The following CCDC172 variants were observed in gnomAD, a reference collection of about 807,000 sequenced individuals.
The protein encoded by CCDC172 is coiled-coil domain containing 172, also known as coiled-coil domain-containing protein 172.
Under a neutral mutation model 38.0 loss-of-function variants are expected in CCDC172, and 30 were observed. The ratio of observed to expected loss-of-function variants is 0.79; its 90% confidence interval spans 0.59 to 1.07. The LOEUF (loss-of-function observed/expected upper bound fraction) is 1.07, where lower values mean the gene tolerates loss of function less well. Among genes scored for constraint, CCDC172 ranks in the 50% least tolerant of loss-of-function variants. The pLI is 0.00. For synonymous variants in CCDC172, 78 were observed against 88.3 expected (o/e 0.88, Z 0.66); for missense variants, 297 against 290.1 (o/e 1.02, Z -0.17).
intron 3 of CCDC172, among the ~76,000 whole-genome samples, chr10:116,328,303 A>G (rs1043640099): frequency 6.6e-6 from 1 of 152,038 alleles, no homozygotes; most frequent in African/African-American, 2.4e-5. Flanking sequence ...TGGTAATATG[A>G]AAACAGAAAA....
At chr10:116,371,243 T>G (rs1845182811) in intron 7 of CCDC172, among the ~76,000 whole-genome samples, 2 of 151,874 alleles carry the variant, frequency 1.3e-5, no homozygotes, top group Non-Finnish European at 1.5e-5. Context: ...GAAAGTTTTT[T>G]TAAAATCAGG....
chr10:116,378,550 TTTTACCTACTGGTAAGGAACGGTTTTAC>T (rs1336666128), intron 8 of CCDC172, 40 bp downstream of exon 8: 3 of 1,498,774 alleles, frequency 2.0e-6, no homozygotes, highest in Non-Finnish European at 2.8e-6. Flanking sequence ...TTCAGCATTA[TTTTACCTACTGGTAAGGAACGGTTTTAC>T]TGGTGTACAA....
At chr10:116,336,849 T>C (rs1844739423) in intron 3 of CCDC172, among the ~76,000 whole-genome samples, 1 of 152,184 alleles carries the variant, frequency 6.6e-6, no homozygotes, top group African/African-American at 2.4e-5. Flanking sequence ...AAATCCTCAG[T>C]CATTTTCAAT....
At chr10:116,368,597 T>A (rs1430120707) in intron 7 of CCDC172, among the ~76,000 whole-genome samples, 1 of 151,986 alleles carries the variant, frequency 6.6e-6, no homozygotes, top group African/African-American at 2.4e-5. Context: ...TAAAAACCAC[T>A]TTTTTTCTGG....
rs572319230 is a variant in CCDC172 at position 116,348,910 on chromosome 10, C to T, written c.448+6709C>T. ...CCCAACCCCTGGGCCAGTACTGGTC[C>T]GTGGCCTGTTAAGAAGTAAGCCACA... On this transcript the variant is annotated intron_variant, in intron 5 of 8. Transcript: ENST00000333254. 9.9e-5 allele frequency among the ~76,000 whole-genome samples: 15 copies of T among 152,202 alleles called. No homozygotes were observed. The South Asian group carries it at 1.9e-3, about 19-fold the overall frequency.
chr10:116,344,875 A>C (rs1179779330), intron 5 of CCDC172, among the ~76,000 whole-genome samples: 1 of 151,464 alleles, frequency 6.6e-6, no homozygotes, highest in African/African-American at 2.4e-5. Flanking sequence ...AAAAAAAAAA[A>C]AAAAAACCTA....
At chr10:116,325,449 G>A in intron 3 of CCDC172, 61 bp downstream of exon 3, 1 of 1,326,856 alleles carries the variant, frequency 7.5e-7, no homozygotes. Flanking sequence ...CTTGACTTTT[G>A]GGGGATATTT....
intron 3 of CCDC172, among the ~76,000 whole-genome samples, chr10:116,339,193 T>G (rs1300311347): frequency 1.3e-5 from 2 of 152,002 alleles, no homozygotes; most frequent in African/African-American, 4.8e-5. Flanking sequence ...TTCATTACTT[T>G]GAAATAGTTC....
At position 116,342,171 on chromosome 10, in the gene CCDC172, T is replaced by G; in HGVS notation, c.418T>G (p.Leu140Val). ...KENVKIEISD[L>V]ENQANMLKSE... The stretch of plus-strand genomic sequence containing the variant: ...AAATGTCAAGATTGAAATATCTGAC[T>G]TAGAAAACCAAGCAAACATGTTGAA... The change falls in exon 5 of 9, where the codon TTA (leucine) becomes GTA (valine). Residue 140 changes from leucine to valine, a missense_variant. Coordinates refer to ENST00000333254, the MANE Select transcript of CCDC172 (RefSeq NM_198515.3). 1 of 1,537,828 alleles carries G rather than the reference T, an allele frequency of 6.5e-7. No homozygotes were observed. Among genetic ancestry groups the G allele is most frequent in the Middle Eastern group, 1.7e-4 (1 of 5,840 alleles).
Position 116,325,062 on chromosome 10 carries a change from G to A in CCDC172, c.51G>A (p.Ala17=), listed in dbSNP as rs756021722. 1.9e-6 allele frequency: 3 copies of A among 1,614,036 alleles called. No homozygotes were observed. The highest frequency in any genetic ancestry group is 8.5e-7 in the Non-Finnish European group (1 of 1,180,018). The part of the protein sequence containing the change: ...FQHIIFTEHQ[A]EESRRLMREV... ...ACATCATCTTCACCGAGCATCAGGC[G>A]GAGGAGAGTCGCCGTTTGATGCGAG... Residue 17 remains alanine (A), a synonymous_variant, in exon 2 of 9, where the codon GCG becomes GCA. Coordinates refer to ENST00000333254, the MANE Select transcript of CCDC172 (RefSeq NM_198515.3).
intron 5 of CCDC172, among the ~76,000 whole-genome samples, chr10:116,345,136 G>A (rs1844850045): frequency 6.6e-6 from 1 of 152,194 alleles, no homozygotes; most frequent in South Asian, 2.1e-4. Flanking sequence ...AAGATAATGT[G>A]TCACTGCCTT....
At chr10:116,368,594 C>CAG (rs1845151488) in intron 7 of CCDC172, among the ~76,000 whole-genome samples, 1 of 151,894 alleles carries the variant, frequency 6.6e-6, no homozygotes, top group South Asian at 2.1e-4. Context: ...TTTTAAAAAC[C>CAG]ACTTTTTTTC....
In CCDC172 at chr10:116,324,999, G is replaced by A; in HGVS notation, c.-13G>A. On this transcript the variant is annotated 5_prime_UTR_variant, in exon 2 of 9. Coordinates refer to ENST00000333254, the MANE Select transcript of CCDC172 (RefSeq NM_198515.3). ...TAAGGGCGAGAAAAGGATCGCAGGA[G>A]CCAGGCCCTGAGATGAGCTTGGAGT... The A allele has an allele frequency of 6.2e-7, 1 of 1,609,626 alleles. No homozygotes were observed. Among genetic ancestry groups the A allele is most frequent in the East Asian group, 2.2e-5 (1 of 44,854 alleles).
chr10:116,341,994 G>A, intron 4 of CCDC172, 42 bp from the exon 5 acceptor site: 3 of 1,264,464 alleles, frequency 2.4e-6, no homozygotes, highest in Non-Finnish European at 3.1e-6. Flanking sequence ...AAATATTATT[G>A]CAACTAACAC....
chr10:116,365,394 A>G (rs781109206), intron 7 of CCDC172, among the ~76,000 whole-genome samples: 21 of 152,200 alleles, frequency 1.4e-4, no homozygotes, highest in Non-Finnish European at 2.8e-4. Context: ...CAGAACCTGT[A>G]GTCCATTTGA....
intron 7 of CCDC172, among the ~76,000 whole-genome samples, chr10:116,370,320 G>T (rs1006603359): frequency 6.6e-6 from 1 of 151,684 alleles, no homozygotes; most frequent in Non-Finnish European, 1.5e-5. Flanking sequence ...ACCTTGTACG[G>T]TTTCATTTTT....
At chr10:116,370,248 A>G (rs1331300297) in intron 7 of CCDC172, among the ~76,000 whole-genome samples, 1 of 151,836 alleles carries the variant, frequency 6.6e-6, no homozygotes, top group Non-Finnish European at 1.5e-5. Flanking sequence ...GTTTTGAGCA[A>G]TAGTTTAAAA....
intron 7 of CCDC172, among the ~76,000 whole-genome samples, chr10:116,366,337 C>T (rs951530809): frequency 2.6e-5 from 4 of 151,944 alleles, no homozygotes; most frequent in Admixed American, 6.6e-5. Flanking sequence ...TTGTGCATGT[C>T]GTTCTACAAT....
At chr10:116,331,421 C>T (rs1052708256) in intron 3 of CCDC172, among the ~76,000 whole-genome samples, 1 of 151,508 alleles carries the variant, frequency 6.6e-6, no homozygotes, top group Non-Finnish European at 1.5e-5. Context: ...CACCTCTTGG[C>T]ATATTTTATA....
Sources: gnomAD v4.1 joint callset for allele counts (sites outside exome capture counted in the v4.1 genomes callset) on GRCh38, gnomAD v4.1.1 for gene constraint, MANE v1.5 for transcripts, NCBI Gene and HGNC (gene_info 2026-07-23, HGNC 2026-07-21) for gene names.